MED12L: variants seen among roughly 807,000 people sequenced by gnomAD.
MED12L encodes the protein mediator of RNA polymerase II transcription subunit 12-like protein.
MED12L carries 60 observed loss-of-function variants against 281.3 expected under a neutral mutation model. The observed-to-expected ratio is 0.21, with a 90% confidence interval of 0.17 to 0.26. The LOEUF (loss-of-function observed/expected upper bound fraction) is 0.26. MED12L is among the 10% of genes least tolerant of loss of function. The pLI is 1.00. For missense variants in MED12L, 2,146 were observed against 2,680.9 expected (o/e 0.80, Z 4.41); for synonymous variants, 974 against 987.2 (o/e 0.99, Z 0.25).
chr3:151,315,551 C>T (rs1468519155), intron 16 of MED12L, among the ~76,000 whole-genome samples: 1 of 152,208 alleles, frequency 6.6e-6, no homozygotes, highest in African/African-American at 2.4e-5. Flanking sequence ...ACCTGCAACA[C>T]ATTTCAAGTA....
At chr3:151,396,108 A>G (rs1714931096) in intron 39 of MED12L, among the ~76,000 whole-genome samples, 1 of 152,232 alleles carries the variant, frequency 6.6e-6, no homozygotes, top group Admixed American at 6.5e-5. Flanking sequence ...TGCTGCTTGC[A>G]CATAAATGAT....
chr3:151,261,668 G>A (rs1398902230), intron 16 of MED12L, among the ~76,000 whole-genome samples: 1 of 148,832 alleles, frequency 6.7e-6, no homozygotes, highest in Admixed American at 6.6e-5. Context: ...CTCTGGGGAG[G>A]GGTCCAGTGG....
intron 16 of MED12L, among the ~76,000 whole-genome samples, chr3:151,240,043 T>G (rs1488923478): frequency 1.3e-5 from 2 of 152,164 alleles, no homozygotes; most frequent in Non-Finnish European, 2.9e-5. Flanking sequence ...CCCACCTTTT[T>G]TTTTTTTGTG....
In MED12L at chr3:151,385,015, CTCTTT is replaced by C; in HGVS notation, c.4927-13_4927-9del. Reference sequence around the variant, plus strand: ...GTCCCACTTCTCACTCTCTCTCTCTCTCTTTTTTCTTTAGAAAGAGCTAGGAGACA... The same window carrying C: ...GTCCCACTTCTCACTCTCTCTCTCTCTTTCTTTAGAAAGAGCTAGGAGACA... On this transcript the variant is annotated splice_polypyrimidine_tract_variant and intron_variant, in intron 35 of 44. Coordinates refer to ENST00000687756, the MANE Select transcript of MED12L (RefSeq NM_001393769.1). 2 of 1,339,690 alleles carry C rather than the reference CTCTTT, an allele frequency of 1.5e-6. No individual in the cohort carries two copies. The highest frequency in any genetic ancestry group is 2.1e-6 in the Non-Finnish European group (2 of 933,628). 83.0% of individuals were successfully genotyped at this position (1,339,690 alleles called of 1,614,324 possible).
intron 2 of MED12L, among the ~76,000 whole-genome samples, chr3:151,110,611 T>C (rs1364339854): frequency 6.6e-6 from 1 of 152,226 alleles, no homozygotes; most frequent in Non-Finnish European, 1.5e-5. Context: ...TTAGTTTCTC[T>C]AGGTCCCTGA....
intron 3 of MED12L, among the ~76,000 whole-genome samples, chr3:151,117,335 A>G (rs765070764): frequency 6.6e-6 from 1 of 152,062 alleles, no homozygotes; most frequent in Non-Finnish European, 1.5e-5. Context: ...TGGCACCAAA[A>G]CATATTCCAA....
Position 151,435,169 on chromosome 3 carries a change from A to AAAT in MED12L, c.*2366_*2368dup, listed in dbSNP as rs1346448005. On this transcript the variant is annotated 3_prime_UTR_variant, in exon 45 of 45. Coordinates refer to ENST00000687756, the MANE Select transcript of MED12L (RefSeq NM_001393769.1). ...ACCTGGTACTTTACCTTACCAGAGG[A>AAAT]AATTACCTTAGAATAAGATGGAGCG... The AAAT allele has an allele frequency of 1.3e-5, 2 of 149,238 alleles. No individual in the cohort carries two copies. The highest frequency in any genetic ancestry group is 2.1e-4 in the East Asian group (1 of 4,678). The allele number at this position is 149,238 out of a possible 1,614,324, so 9.2% of individuals were successfully genotyped here.
At chr3:151,359,472 C>A (rs1352886) in intron 20 of MED12L, among the ~76,000 whole-genome samples, 1 of 151,862 alleles carries the variant, frequency 6.6e-6, no homozygotes, top group Non-Finnish European at 1.5e-5. Flanking sequence ...ACCTATGGTA[C>A]CTGTGATTCC....
At chr3:151,366,085 C>A in intron 23 of MED12L, 94 bp downstream of exon 23, 1 of 1,061,038 alleles carries the variant, frequency 9.4e-7, no homozygotes, top group South Asian at 2.6e-5. Context: ...TTAATTGATT[C>A]AACTGAAATG....
At chr3:151,157,792 A>G (rs1052728484) in intron 6 of MED12L, among the ~76,000 whole-genome samples, 1 of 152,226 alleles carries the variant, frequency 6.6e-6, no homozygotes, top group African/African-American at 2.4e-5. Context: ...AACACTGGTA[A>G]TACATAACAG....
intron 16 of MED12L, among the ~76,000 whole-genome samples, chr3:151,322,809 G>C (rs868623714): frequency 5.3e-5 from 8 of 152,012 alleles, no homozygotes; most frequent in Admixed American, 6.6e-5. Context: ...TGTCTGTTGT[G>C]ACCATGAGAC....
rs1719828950 is a variant in MED12L, at chr3:151,434,127, G to GTTAT, written c.*1326_*1329dup. 6.6e-6 allele frequency: 1 copy of GTTAT among 152,144 alleles called. No homozygotes were observed. The highest frequency in any genetic ancestry group is 1.5e-5 in the Non-Finnish European group (1 of 67,974). The allele number at this position is 152,144 out of a possible 1,614,324, so 9.4% of individuals were successfully genotyped here. ...TGGGGGATATTTTCCCATGTTCTCTGTTATTTCATTTTCTTTTGCCATATG... is the reference window on the plus strand; with the variant it reads ...TGGGGGATATTTTCCCATGTTCTCTGTTATTTATTTCATTTTCTTTTGCCATATG... On this transcript the variant is annotated 3_prime_UTR_variant, in exon 45 of 45. Coordinates refer to ENST00000687756, the MANE Select transcript of MED12L (RefSeq NM_001393769.1).
chr3:151,108,805 G>A (rs980938741), intron 2 of MED12L, among the ~76,000 whole-genome samples: 1 of 152,126 alleles, frequency 6.6e-6, no homozygotes, highest in African/African-American at 2.4e-5. Flanking sequence ...GTATGTATTT[G>A]TGTGCATTAT....
intron 43 of MED12L, chr3:151,425,718 C>A (rs1184102594): frequency 4.4e-6 from 2 of 456,660 alleles, no homozygotes; most frequent in South Asian, 3.1e-5. Flanking sequence ...GCTTCTGCCT[C>A]TGAGAAGTAA....
intron 11 of MED12L, among the ~76,000 whole-genome samples, chr3:151,175,437 CTT>C (rs1426756214): frequency 6.6e-6 from 1 of 152,150 alleles, no homozygotes; most frequent in South Asian, 2.1e-4. Flanking sequence ...CGTTTCAACT[CTT>C]TTTAGTTAGC....
intron 39 of MED12L, among the ~76,000 whole-genome samples, chr3:151,402,739 G>T (rs1577569538): frequency 6.6e-6 from 1 of 152,168 alleles, no homozygotes; most frequent in Non-Finnish European, 1.5e-5. Flanking sequence ...TATCAGTGTT[G>T]CAGTCTGTAG....
chr3:151,195,055 C>T (rs1462643784), intron 16 of MED12L, among the ~76,000 whole-genome samples: 1 of 152,102 alleles, frequency 6.6e-6, no homozygotes, highest in Non-Finnish European at 1.5e-5. Context: ...CGCAGCTTCT[C>T]AGGAGGCTGA....
rs772118874 is a variant in MED12L, at chr3:151,409,244, G to A, written c.5822G>A (p.Gly1941Asp). 111 of 1,587,528 alleles carry A rather than the reference G, an allele frequency of 7.0e-5. 1 individual carries two copies. In the Admixed American group the frequency reaches 2.0e-3, roughly 29 times the overall value. Residue 1941 changes from glycine (G) to aspartate (D), a missense_variant and splice_region_variant, in exon 40 of 45, where the codon GGC becomes GAC. This residue lies in a region of MED12L where 496 missense variants were observed against 512.0 expected (regional missense o/e 0.97). Coordinates refer to ENST00000687756, the MANE Select transcript of MED12L (RefSeq NM_001393769.1). The stretch of plus-strand genomic sequence containing the variant: ...GTTTGCTTTGGCTTTGTTTTCCAGG[G>A]CCAGCCGGGGGACCAGGCTGCTCTC... ...RQAQTRPFQQ[G>D]QPGDQAALFA... is the part of the protein sequence containing the mutation.
intron 30 of MED12L, among the ~76,000 whole-genome samples, chr3:151,377,548 A>G (rs1197475283): frequency 2.6e-5 from 4 of 152,204 alleles, no homozygotes; most frequent in Non-Finnish European, 5.9e-5. Flanking sequence ...TAGAACCAGT[A>G]GGCATATAAA....
Sources: gnomAD v4.1 joint callset for allele counts (sites outside exome capture counted in the v4.1 genomes callset) on GRCh38, gnomAD v4.1.1 for gene constraint, gnomAD v4.1.1 regional missense constraint, MANE v1.5 for transcripts, NCBI Gene and HGNC (gene_info 2026-07-23, HGNC 2026-07-21) for gene names.